The following MSMO1 variants were observed in gnomAD, a reference collection of about 807,000 sequenced individuals.
The protein encoded by MSMO1 is C-4 methylsterol oxidase.
In MSMO1, 18 loss-of-function variants were observed where a neutral mutation model predicts 30.4. The observed-to-expected ratio is 0.59, with a 90% confidence interval of 0.41 to 0.88. MSMO1 has a LOEUF of 0.88. Ranked by LOEUF, MSMO1 falls within the 40% of genes least tolerant of loss-of-function variation. The pLI is 0.00. For missense variants in MSMO1, 284 were observed against 340.5 expected (o/e 0.83, Z 1.31); for synonymous variants, 84 against 107.9 (o/e 0.78, Z 1.37).
chr4:165,331,727 G>T (rs1579212363), intron 1 of MSMO1, among the ~76,000 whole-genome samples: 1 of 152,076 alleles, frequency 6.6e-6, no homozygotes, highest in East Asian at 1.9e-4. Flanking sequence ...TTTTTAAAAT[G>T]GTCCAAAAAA....
chr4:165,341,738 AT>A lies in MSMO1; in HGVS notation c.687-8del, dbSNP rs1560851921. ...TATTTATTCCTTAATAATCTTTATC[AT>A]TTTTGTTTCAGTGGTTATGATATTC... is the stretch of plus-strand genomic sequence containing the variant. On this transcript the variant is annotated splice_polypyrimidine_tract_variant and intron_variant, in intron 5 of 5. Transcript: ENST00000261507. 2 of 1,586,024 alleles carry A rather than the reference AT, an allele frequency of 1.3e-6. No homozygotes were observed. Among genetic ancestry groups the A allele is most frequent in the East Asian group, 2.2e-5 (1 of 44,648 alleles).
At chr4:165,331,921 C>G (rs1747401212) in intron 1 of MSMO1, among the ~76,000 whole-genome samples, 1 of 148,198 alleles carries the variant, frequency 6.7e-6, no homozygotes, top group African/African-American at 2.6e-5. Flanking sequence ...ACACTATTTC[C>G]TACCCCGCCG....
At chr4:165,337,730 G>A in intron 2 of MSMO1, 59 bp from the exon 3 acceptor site, 1 of 1,547,868 alleles carries the variant, frequency 6.5e-7, no homozygotes, top group Non-Finnish European at 8.9e-7. Flanking sequence ...GAACAAATTA[G>A]GTCAAGTTAA....
intron 5 of MSMO1, 139 bp from the exon 6 acceptor site, chr4:165,341,612 T>C (rs1747716662): frequency 2.9e-6 from 2 of 689,972 alleles, no homozygotes; most frequent in Non-Finnish European, 4.9e-6. Context: ...TTGCTGTTTG[T>C]GAACACTTAG....
Position 165,342,044 on chromosome 4 carries a change from T to C in MSMO1, c.*98T>C. 9.6e-7 allele frequency: 1 copy of C among 1,039,566 alleles called. No individual in the cohort carries two copies. The highest frequency in any genetic ancestry group is 1.6e-5 in the African/African-American group (1 of 62,982). The allele number at this position is 1,039,566 out of a possible 1,614,324, so 64.4% of individuals were successfully genotyped here. A position where few individuals can be genotyped will look rare whatever the true frequency, so the allele number is the denominator to read the frequency against. ...GGAGAGCAGAAATAAGCATGTCTTC[T>C]GGCTACTAAGTGATAAAAAGAACAT... On this transcript the variant is annotated 3_prime_UTR_variant, in exon 6 of 6. Transcript: ENST00000261507.
intron 1 of MSMO1, among the ~76,000 whole-genome samples, chr4:165,329,339 T>C (rs1747322929): frequency 6.6e-6 from 1 of 152,158 alleles, no homozygotes; most frequent in South Asian, 2.1e-4. Flanking sequence ...TAGAAGTTCA[T>C]AGCACTGTGT....
intron 2 of MSMO1, among the ~76,000 whole-genome samples, chr4:165,337,433 A>G (rs1384518696): frequency 6.6e-6 from 1 of 152,220 alleles, no homozygotes; most frequent in Non-Finnish European, 1.5e-5. Context: ...AACTTCTTCA[A>G]TTGTGGACAC....
At chr4:165,331,889 AT>A (rs1010757437) in intron 1 of MSMO1, among the ~76,000 whole-genome samples, 23 of 151,386 alleles carry the variant, frequency 1.5e-4, no homozygotes, top group Admixed American at 1.3e-3. Context: ...CATATGTCAG[AT>A]TTTTTTTTCT....
chr4:165,329,625 ATTTTTTT>A lies in MSMO1; in HGVS notation c.-32+1882_-32+1888del, dbSNP rs1171733863. 5.5e-3 allele frequency among the ~76,000 whole-genome samples: 375 copies of A among 67,978 alleles called. 2 individuals carry two copies. The highest frequency in any genetic ancestry group is 0.013 in the Middle Eastern group (1 of 80). 44.6% of individuals were successfully genotyped at this position (67,978 alleles called of 152,430 possible). ...ATTTGGCAGCTGGAGATCCATAGCG[ATTTTTTT>A]TTTTTTTTTTTTTTTTTTTTGAGAC... is the stretch of plus-strand genomic sequence containing the variant. On this transcript the variant is annotated intron_variant, in intron 1 of 5. Coordinates refer to ENST00000261507, the MANE Select transcript of MSMO1 (RefSeq NM_006745.5).
intron 2 of MSMO1, among the ~76,000 whole-genome samples, chr4:165,334,038 T>C (rs1747471243): frequency 6.6e-6 from 1 of 152,170 alleles, no homozygotes; most frequent in Non-Finnish European, 1.5e-5. Flanking sequence ...GCAGAAAGAT[T>C]GCAGCACTAT....
At chr4:165,341,566 TAG>T (rs533835723) in intron 5 of MSMO1, among the ~76,000 whole-genome samples, 183 bp from the exon 6 acceptor site, 6 of 152,184 alleles carry the variant, frequency 3.9e-5, no homozygotes, top group African/African-American at 7.2e-5. Context: ...TTTTTTTTCT[TAG>T]AGTGGTTTCT....
At position 165,333,386 on chromosome 4, in the gene MSMO1, A is replaced by G. The variant is rs1239744248; in HGVS notation, c.16A>G (p.Ser6Gly). MATNE[S>G]VSIFSSASLA... The stretch of plus-strand genomic sequence containing the variant: ...GATTTGAAAAATGGCAACAAATGAA[A>G]GTGTCAGCATCTTTAGTTCAGCATC... The change falls in exon 2 of 6, where the codon AGT (serine) becomes GGT (glycine). Residue 6 changes from serine to glycine, a missense_variant. Coordinates refer to ENST00000261507, the MANE Select transcript of MSMO1 (RefSeq NM_006745.5). The G allele has an allele frequency of 6.2e-7, 1 of 1,611,724 alleles. No homozygotes were observed. The highest frequency in any genetic ancestry group is 2.2e-5 in the East Asian group (1 of 44,792).
intron 4 of MSMO1, among the ~76,000 whole-genome samples, chr4:165,339,266 G>A (rs1180309312): frequency 6.6e-6 from 1 of 151,892 alleles, no homozygotes; most frequent in African/African-American, 2.4e-5. Flanking sequence ...CACCACGCGT[G>A]GCTAATTTTG....
chr4:165,333,728 T>G, intron 2 of MSMO1, 103 bp downstream of exon 2: 1 of 1,247,896 alleles, frequency 8.0e-7, no homozygotes, highest in Non-Finnish European at 1.1e-6. Flanking sequence ...TGATATCCAA[T>G]AGAAATATGA....
intron 2 of MSMO1, among the ~76,000 whole-genome samples, chr4:165,334,677 T>A (rs999992799): frequency 1.3e-5 from 2 of 152,196 alleles, no homozygotes; most frequent in African/African-American, 4.8e-5. Flanking sequence ...ACGTGAGAAT[T>A]TGGAGTAGCT....
rs1472306668 is a variant in MSMO1, at chr4:165,342,999, T to A, written c.*1053T>A. 1 of 152,638 alleles carries A rather than the reference T, an allele frequency of 6.6e-6. No homozygotes were observed. The highest frequency in any genetic ancestry group is 1.5e-5 in the Non-Finnish European group (1 of 68,040). The allele number at this position is 152,638 out of a possible 1,614,324, so 9.5% of individuals were successfully genotyped here. Reference sequence around the variant, plus strand: ...ATTTCCATTGTCATTAAAAACTGTATCTTGAAACTTTGTGAACTGACTTGC... The same window carrying A: ...ATTTCCATTGTCATTAAAAACTGTAACTTGAAACTTTGTGAACTGACTTGC... On this transcript the variant is annotated 3_prime_UTR_variant, in exon 6 of 6. Transcript: ENST00000261507.
intron 2 of MSMO1, 78 bp from the exon 3 acceptor site, chr4:165,337,711 A>G (rs1747597895): frequency 2.8e-6 from 4 of 1,446,118 alleles, no homozygotes; most frequent in African/African-American, 1.4e-5. Context: ...AAGGTCCAAC[A>G]TAAACAGAGA....
At chr4:165,334,792 C>T (rs1249685782) in intron 2 of MSMO1, among the ~76,000 whole-genome samples, 2 of 152,146 alleles carry the variant, frequency 1.3e-5, no homozygotes, top group Non-Finnish European at 2.9e-5. Flanking sequence ...AACTCAGGGG[C>T]ACACAGTCTT....
At chr4:165,335,395 G>A (rs924373433) in intron 2 of MSMO1, among the ~76,000 whole-genome samples, 1 of 152,182 alleles carries the variant, frequency 6.6e-6, no homozygotes, top group African/African-American at 2.4e-5. Context: ...GAGGGCCAAA[G>A]GAGAGTACTC....
Sources: allele counts gnomAD v4.1 joint callset (sites outside exome capture counted in the v4.1 genomes callset), GRCh38; gene constraint gnomAD v4.1.1; transcripts MANE v1.5; gene names NCBI Gene and HGNC (gene_info 2026-07-23, HGNC 2026-07-21).